Variants in PARP6 observed in about 807,000 individuals in gnomAD.
The protein encoded by PARP6 is poly(ADP-ribose) polymerase family member 6.
PARP6 carries 27 observed loss-of-function variants against 92.0 expected under a neutral mutation model. That is an observed-to-expected ratio of 0.29 (90% confidence interval 0.22 to 0.40). The LOEUF is 0.40. Among genes scored for constraint, PARP6 ranks in the 10% least tolerant of loss-of-function variants. The pLI, the probability that PARP6 is intolerant of heterozygous loss-of-function variation, is 1.00. For synonymous variants in PARP6, 272 were observed against 281.2 expected, an observed-to-expected ratio of 0.97 and a Z score of 0.33; for missense variants, 501 against 784.5, an observed-to-expected ratio of 0.64 and a Z score of 4.32.
Position 72,242,804 on chromosome 15 carries a change from CAAAG to C in PARP6, c.1562-109_1562-106del. On this transcript the variant is annotated intron_variant, in intron 20 of 23. Coordinates refer to ENST00000569795, the MANE Select transcript of PARP6 (RefSeq NM_001323532.2). This position sits in a 1 kb window ranked among gnomAD's most constrained non-coding sequence, Gnocchi z 4.3. Reference sequence around the variant, plus strand: ...CTCATCAAAACAGCAGAGAATAAAACAAAGAAGATTATTTTCCCCCACAGAATTT... The same window carrying C: ...CTCATCAAAACAGCAGAGAATAAAACAAGATTATTTTCCCCCACAGAATTT... 4.3e-6 allele frequency: 3 copies of C among 696,472 alleles called. No individual in the cohort carries two copies. Among genetic ancestry groups the C allele is most frequent in the East Asian group, 2.6e-5 (1 of 38,446 alleles). The allele number at this position is 696,472 out of a possible 1,614,324, so 43.1% of individuals were successfully genotyped here. A position where few individuals can be genotyped will look rare whatever the true frequency, so the allele number is the denominator to read the frequency against.
intron 11 of PARP6, among the ~76,000 whole-genome samples, 175 bp from the exon 12 acceptor site, chr15:72,258,307 A>G (rs2085395127): frequency 6.6e-6 from 1 of 152,202 alleles, no homozygotes; most frequent in Non-Finnish European, 1.5e-5. Flanking sequence ...CTAAGACTGT[A>G]TGGTATAGTA....
chr15:72,264,747 T>C (rs988164470), intron 7 of PARP6, 126 bp from the exon 8 acceptor site: 28 of 706,858 alleles, frequency 4.0e-5, no homozygotes, highest in East Asian at 1.1e-4. Flanking sequence ...ACAGTAACGG[T>C]GGAAGAAAAA....
In PARP6 at chr15:72,257,580, A is replaced by G. The variant is rs868712674; in HGVS notation, c.907-140T>C. The G allele has an allele frequency of 6.3e-6, 4 of 638,660 alleles. No individual in the cohort carries two copies. In the Middle Eastern group the frequency reaches 1.1e-3, roughly 175 times the overall value. The allele number at this position is 638,660 out of a possible 1,614,324, so 39.6% of individuals were successfully genotyped here. ...TCTATATCAGGAGAAAACTACCAAT[A>G]AAGTCTTAATTAAAATGCCTTACTG... On this transcript the variant is annotated intron_variant, in intron 12 of 23. Transcript: ENST00000569795.
In PARP6 at chr15:72,266,832, A is replaced by T; in HGVS notation, c.4-10T>A. On this transcript the variant is annotated splice_polypyrimidine_tract_variant and intron_variant, in intron 3 of 23. Coordinates refer to ENST00000569795, the MANE Select transcript of PARP6 (RefSeq NM_001323532.2). The stretch of plus-strand genomic sequence containing the variant: ...ACTGGCCTTTGATGTCCTAGTGGTG[A>T]GAAATAAGGATATCATGCTTTGTTA... 1 of 1,603,918 alleles carries T rather than the reference A, an allele frequency of 6.2e-7. No individual in the cohort carries two copies. Among genetic ancestry groups the T allele is most frequent in the Non-Finnish European group, 8.5e-7 (1 of 1,170,774 alleles).
chr15:72,241,902 C>T lies in PARP6; in HGVS notation c.1789G>A (p.Val597Ile). 6.2e-7 allele frequency: 1 copy of T among 1,610,486 alleles called. No homozygotes were observed. The highest frequency in any genetic ancestry group is 8.5e-7 in the Non-Finnish European group (1 of 1,176,670). ...SDHVCTRFFF[V>I]YEDGQVGDAN... Reference sequence around the variant, plus strand: ...CCCCAGAGTCCCTCCGACACTTACACAAAGAAGAATCTTGTGCAGACATGG... The same window carrying T: ...CCCCAGAGTCCCTCCGACACTTACATAAAGAAGAATCTTGTGCAGACATGG... The change falls in exon 23 of 24, where the codon GTA becomes ATA. Residue 597 changes from valine (V) to isoleucine (I), a missense_variant and splice_region_variant. Physicochemically the swap from Val to Ile is conservative, Grantham distance 29. Coordinates refer to ENST00000569795, the MANE Select transcript of PARP6 (RefSeq NM_001323532.2). This position sits in a 1 kb window ranked among gnomAD's most constrained non-coding sequence, Gnocchi z 4.1.
chr15:72,249,616 G>A (rs763759674), intron 19 of PARP6, among the ~76,000 whole-genome samples: 12 of 152,146 alleles, frequency 7.9e-5, no homozygotes, highest in Non-Finnish European at 1.8e-4. Context: ...CCAAAAAAGA[G>A]GAACTACAGA....
intron 2 of PARP6, among the ~76,000 whole-genome samples, chr15:72,269,914 A>G (rs930751670): frequency 1.3e-5 from 2 of 151,016 alleles, no homozygotes; most frequent in African/African-American, 4.9e-5. Context: ...AAAAAAAAAA[A>G]AAAAGAAAAA....
chr15:72,248,075 T>G (rs1399163857), intron 20 of PARP6, among the ~76,000 whole-genome samples: 2 of 152,188 alleles, frequency 1.3e-5, no homozygotes, highest in African/African-American at 2.4e-5. Context: ...CCCGCCTTAT[T>G]ACCTTTTTAA....
intron 16 of PARP6, among the ~76,000 whole-genome samples, chr15:72,251,666 G>A (rs932675336): frequency 2.0e-5 from 3 of 152,218 alleles, no homozygotes; most frequent in African/African-American, 7.2e-5. Context: ...CTCAGATTCA[G>A]ACCTGGGCTC....
intron 2 of PARP6, 86 bp from the exon 3 acceptor site, chr15:72,267,757 C>CT (rs368211023): frequency 0.085 from 25,626 of 303,144 alleles, 74 homozygotes; most frequent in Non-Finnish European, 0.1. Context: ...TATCAATACA[C>CT]TTTTTTTTTT....
intron 16 of PARP6, among the ~76,000 whole-genome samples, chr15:72,251,700 A>G (rs944526314): frequency 2.0e-5 from 3 of 152,246 alleles, no homozygotes; most frequent in African/African-American, 4.8e-5. Context: ...CCTTAGCTTA[A>G]GAGAAAACAT....
At chr15:72,260,730 T>G (rs1199143161) in intron 9 of PARP6, 42 bp from the exon 10 acceptor site, 10 of 1,472,072 alleles carry the variant, frequency 6.8e-6, no homozygotes, top group Non-Finnish European at 9.5e-6. Flanking sequence ...ACTGGGGATT[T>G]CATAGGATCC....
intron 15 of PARP6, chr15:72,253,927 G>T: frequency 2.3e-6 from 1 of 436,662 alleles, no homozygotes; most frequent in Non-Finnish European, 4.6e-6. Flanking sequence ...GTGATATACA[G>T]GATTTGCTGA....
intron 3 of PARP6, 99 bp from the exon 4 acceptor site, chr15:72,266,921 T>G (rs1409619947): frequency 1.1e-6 from 1 of 907,086 alleles, no homozygotes; most frequent in East Asian, 2.4e-5. Context: ...CCACAAAGAT[T>G]GGGAAATATA....
At chr15:72,261,828 A>C in intron 8 of PARP6, 121 bp from the exon 9 acceptor site, 2 of 907,944 alleles carry the variant, frequency 2.2e-6, no homozygotes, top group Non-Finnish European at 3.4e-6. Flanking sequence ...GTGGTAGGGG[A>C]ATGTGTATCT....
chr15:72,268,844 C>G (rs1350650625), intron 2 of PARP6, among the ~76,000 whole-genome samples: 1 of 152,144 alleles, frequency 6.6e-6, no homozygotes, highest in Admixed American at 6.5e-5. Flanking sequence ...CTTAGAAAAA[C>G]TTTTACTTAA....
chr15:72,260,205 G>C (rs1446649530), intron 10 of PARP6, among the ~76,000 whole-genome samples: 1 of 152,160 alleles, frequency 6.6e-6, no homozygotes, highest in African/African-American at 2.4e-5. Flanking sequence ...TATAGTCCCA[G>C]CTACTTGACA....
intron 8 of PARP6, among the ~76,000 whole-genome samples, chr15:72,263,443 A>T (rs2086159147): frequency 6.6e-6 from 1 of 152,066 alleles, no homozygotes; most frequent in South Asian, 2.1e-4. Flanking sequence ...ATTTTGTATA[A>T]TGCTACCAGA....
At chr15:72,247,962 G>A (rs1256898210) in intron 20 of PARP6, among the ~76,000 whole-genome samples, 2 of 151,952 alleles carry the variant, frequency 1.3e-5, no homozygotes, top group East Asian at 3.9e-4. Flanking sequence ...GTAGAGACAG[G>A]ATTTCACCAT....
Sources: gnomAD v4.1 joint callset for allele counts (sites outside exome capture counted in the v4.1 genomes callset) on GRCh38, gnomAD v4.1.1 for gene constraint, Gnocchi (gnomAD v3.1) non-coding constraint, MANE v1.5 for transcripts, NCBI Gene and HGNC (gene_info 2026-07-23, HGNC 2026-07-21) for gene names.